The following P3H2 variants were observed in gnomAD, a reference collection of about 807,000 sequenced individuals.
The protein encoded by P3H2 is leprecan-like 1.
A neutral mutation model predicts 87.0 loss-of-function variants in P3H2; 80 were observed. That is an observed-to-expected ratio of 0.92 (90% confidence interval 0.77 to 1.11). The LOEUF (loss-of-function observed/expected upper bound fraction) is 1.11, where lower values mean the gene tolerates loss of function less well. Among genes scored for constraint, P3H2 ranks in the 50% least tolerant of loss-of-function variants. The pLI, the probability that P3H2 is intolerant of heterozygous loss-of-function variation, is 0.00. For missense variants in P3H2, 1,001 were observed against 923.9 expected, an observed-to-expected ratio of 1.08 and a Z score of -1.08; for synonymous variants, 367 against 359.3, an observed-to-expected ratio of 1.02 and a Z score of -0.24.
At chr3:190,048,750 C>G (rs1298429755) in intron 1 of P3H2, among the ~76,000 whole-genome samples, 1 of 152,062 alleles carries the variant, frequency 6.6e-6, no homozygotes, top group African/African-American at 2.4e-5. Flanking sequence ...AGCTACATAT[C>G]CCAGAAGCAA....
rs115909080 is a variant in P3H2, at chr3:189,987,607, C to T, written c.1018G>A (p.Glu340Lys). 5 of 1,614,070 alleles carry T rather than the reference C, an allele frequency of 3.1e-6. No homozygotes were observed. Among genetic ancestry groups the T allele is most frequent in the Non-Finnish European group, 4.2e-6 (5 of 1,179,972 alleles). Reference sequence around the variant, plus strand: ...TAATCCACATTGTCTAGGACATCCTCATCATCTGGATGGCATAGAAGATAG... The same window carrying T: ...TAATCCACATTGTCTAGGACATCCTTATCATCTGGATGGCATAGAAGATAG... ...KAYLLCHPDD[E>K]DVLDNVDYYE... Residue 340 changes from glutamate (E) to lysine (K), a missense_variant, in exon 5 of 15, where the codon GAG (glutamate) becomes AAG (lysine). Glu to Lys is a moderately conservative substitution (Grantham distance 56). Coordinates refer to ENST00000319332, the MANE Select transcript of P3H2 (RefSeq NM_018192.4).
Position 190,015,514 on chromosome 3 carries a change from A to G in P3H2, c.481-20072T>C, listed in dbSNP as rs151144509. On this transcript the variant is annotated intron_variant, in intron 1 of 14. Transcript: ENST00000319332. ...CCCTTCATGCCAATACCAGCGTTCT[A>G]TGGTAGAAATAGCACTGACCCAGGA... Among the ~76,000 whole-genome samples, 231 of 152,258 alleles carry G rather than the reference A, an allele frequency of 1.5e-3. 1 individual carries two copies. Among genetic ancestry groups the G allele is most frequent in the African/African-American group, 5.2e-3 (218 of 41,542 alleles).
intron 1 of P3H2, among the ~76,000 whole-genome samples, chr3:190,042,491 T>A (rs540596958): frequency 2.6e-5 from 4 of 152,102 alleles, no homozygotes; most frequent in Non-Finnish European, 5.9e-5. Flanking sequence ...CACAGGCATA[T>A]TGTGGAATAT....
intron 1 of P3H2, among the ~76,000 whole-genome samples, chr3:190,011,422 C>G (rs557700010): frequency 1.3e-5 from 2 of 152,064 alleles, no homozygotes; most frequent in African/African-American, 4.8e-5. Flanking sequence ...GGTCCTTAAA[C>G]CTTCCATTTT....
intron 10 of P3H2, among the ~76,000 whole-genome samples, chr3:189,973,511 C>CTTTCTTTTTTT (rs1723245878): frequency 1.1e-4 from 4 of 35,460 alleles, no homozygotes; most frequent in African/African-American, 3.9e-4. Context: ...TTCTTTCTTT[C>CTTTCTTTTTTT]TTTTTTTTTT....
At chr3:189,971,865 G>C (rs781359578) in intron 12 of P3H2, 25 bp downstream of exon 12, 1 of 1,372,648 alleles carries the variant, frequency 7.3e-7, no homozygotes, top group South Asian at 1.2e-5. Context: ...TAAAAGCTTT[G>C]TTTTGAAGCA....
intron 1 of P3H2, among the ~76,000 whole-genome samples, chr3:190,087,099 A>G (rs1474791729): frequency 1.3e-5 from 2 of 152,222 alleles, no homozygotes; most frequent in African/African-American, 4.8e-5. Context: ...TCCCTAGACT[A>G]AATTAAATTA....
chr3:190,106,254 A>G (rs1711833264), intron 1 of P3H2, among the ~76,000 whole-genome samples: 1 of 152,234 alleles, frequency 6.6e-6, no homozygotes, highest in Non-Finnish European at 1.5e-5. Context: ...ACATTTCTTA[A>G]CATAGCAAAT....
intron 1 of P3H2, among the ~76,000 whole-genome samples, chr3:190,067,166 AT>A (rs1726539499): frequency 6.6e-6 from 1 of 151,686 alleles, no homozygotes; most frequent in African/African-American, 2.4e-5. Flanking sequence ...TTTACCTATT[AT>A]TTGTGTATTT....
intron 8 of P3H2, among the ~76,000 whole-genome samples, chr3:189,977,172 CA>C (rs1723376969): frequency 6.6e-6 from 1 of 152,176 alleles, no homozygotes; most frequent in South Asian, 2.1e-4. Context: ...TTGCTTCCCA[CA>C]AGTGCGAGTG....
chr3:190,120,617 C>G lies in P3H2; in HGVS notation c.115G>C (p.Gly39Arg). The G allele has an allele frequency of 6.5e-7, 1 of 1,538,274 alleles. No individual in the cohort carries two copies. Among genetic ancestry groups the G allele is most frequent in the Non-Finnish European group, 8.7e-7 (1 of 1,151,400 alleles). The change falls in exon 1 of 15, where the codon GGG (glycine) becomes CGG (arginine). Residue 39 changes from glycine (G) to arginine (R), a missense_variant. Physicochemically the swap from Gly to Arg is moderately radical, Grantham distance 125. Transcript: ENST00000319332. The part of the protein sequence containing the change: ...SPRRELELEP[G>R]PLQPFDLLYA... ...AGCAGGTCGAAGGGCTGCAGAGGCCCGGGCTCCAGCTCCAGCTCCCGGCGT... is the reference window on the plus strand; with the variant it reads ...AGCAGGTCGAAGGGCTGCAGAGGCCGGGGCTCCAGCTCCAGCTCCCGGCGT...
chr3:189,987,637 T>G lies in P3H2; in HGVS notation c.988A>C (p.Lys330Gln). The change falls in exon 5 of 15, where the codon AAA becomes CAA. Residue 330 changes from lysine to glutamine, a missense_variant. Lys to Gln is a moderately conservative substitution (Grantham distance 53). Transcript: ENST00000319332. ...TCTGGATGGCATAGAAGATAGGCTT[T>G]GGCACACTCCAGGGCTTTCACATAC... ...GEYVKALECAKAYLLCHPDDE... is the reference protein window; with the variant it reads ...GEYVKALECAQAYLLCHPDDE... 1 of 1,614,226 alleles carries G rather than the reference T, an allele frequency of 6.2e-7. No homozygotes were observed. Among genetic ancestry groups the G allele is most frequent in the Non-Finnish European group, 8.5e-7 (1 of 1,180,034 alleles).
chr3:190,057,695 G>GTGGCCTCTGTTTT (rs1726202785), intron 1 of P3H2, among the ~76,000 whole-genome samples: 1 of 152,162 alleles, frequency 6.6e-6, no homozygotes, highest in Admixed American at 6.6e-5. Context: ...ATGATGTGGT[G>GTGGCCTCTGTTTT]TGGCCTCTGT....
intron 1 of P3H2, among the ~76,000 whole-genome samples, chr3:190,116,399 T>C (rs1712288002): frequency 6.6e-6 from 1 of 152,176 alleles, no homozygotes; most frequent in South Asian, 2.1e-4. Flanking sequence ...ATTTTGCAGA[T>C]GGGAGAACTA....
At chr3:189,989,190 T>C (rs1393156442) in intron 3 of P3H2, 152 bp from the exon 4 acceptor site, 6 of 933,876 alleles carry the variant, frequency 6.4e-6, no homozygotes, top group African/African-American at 1.6e-5. Flanking sequence ...AAAACCTTTT[T>C]ACAAAGAAAG....
At chr3:190,122,109 AGAGAG>A (rs1163934383), upstream of P3H2, 9 of 115,758 alleles carry the variant, frequency 7.8e-5, no homozygotes, top group Admixed American at 3.5e-4. Flanking sequence ...GAAAAAGAAA[AGAGAG>A]GAGAGGAGGG....
chr3:190,013,017 A>G (rs1319727885), intron 1 of P3H2, among the ~76,000 whole-genome samples: 1 of 152,204 alleles, frequency 6.6e-6, no homozygotes, highest in African/African-American at 2.4e-5. Flanking sequence ...GCTCTCAATA[A>G]GGACTGTAAG....
chr3:189,982,951 G>A (rs1723582235), intron 8 of P3H2, 95 bp downstream of exon 8: 2 of 899,606 alleles, frequency 2.2e-6, no homozygotes, highest in South Asian at 2.6e-5. Flanking sequence ...TTATTTTCTA[G>A]AGAAAGTGGG....
chr3:189,975,510 G>A (rs1264043671), intron 8 of P3H2, among the ~76,000 whole-genome samples: 1 of 152,134 alleles, frequency 6.6e-6, no homozygotes, highest in East Asian at 1.9e-4. Flanking sequence ...ACCAGAAAAT[G>A]GAACAGAAAA....
Sources: allele counts gnomAD v4.1 joint callset (sites outside exome capture counted in the v4.1 genomes callset), GRCh38; gene constraint gnomAD v4.1.1; transcripts MANE v1.5; gene names NCBI Gene and HGNC (gene_info 2026-07-23, HGNC 2026-07-21).